Variants in FBXO4 observed in about 807,000 individuals in gnomAD.
FBXO4 encodes F-box protein 4.
In FBXO4, 36 loss-of-function variants were observed where a neutral mutation model predicts 43.7. The observed-to-expected ratio is 0.82, with a 90% CI of 0.63 to 1.09. The LOEUF is 1.09. FBXO4 is among the 50% of genes least tolerant of loss of function. FBXO4 has a pLI of 0.00. For synonymous variants in FBXO4, 180 were observed against 165.6 expected (o/e 1.09, Z -0.67); for missense variants, 435 against 474.1 (o/e 0.92, Z 0.77).
chr5:41,991,045 G>T, the FBXO4 span, among the ~76,000 whole-genome samples: 12 of 152,136 alleles, frequency 7.9e-5, no homozygotes, highest in African/African-American at 2.9e-4. Flanking sequence ...TAGAATGTCA[G>T]GGTCTGCCTC....
At chr5:41,970,596 T>A in the FBXO4 span, among the ~76,000 whole-genome samples, 1 of 151,854 alleles carries the variant, frequency 6.6e-6, no homozygotes, top group East Asian at 1.9e-4. Flanking sequence ...CCCTAATAGA[T>A]TAGTTTTTAA....
chr5:41,976,562 C>A, the FBXO4 span, among the ~76,000 whole-genome samples: 1 of 152,196 alleles, frequency 6.6e-6, no homozygotes, highest in African/African-American at 2.4e-5. Context: ...AATCTTAAAG[C>A]TCCAAAATAA....
At chr5:42,008,766 A>G in the FBXO4 span, among the ~76,000 whole-genome samples, 7 of 152,162 alleles carry the variant, frequency 4.6e-5, no homozygotes, top group African/African-American at 1.7e-4. Flanking sequence ...GATTTTTAGT[A>G]TTTGACACTT....
chr5:42,012,818 G>T, the FBXO4 span, among the ~76,000 whole-genome samples: 17 of 152,134 alleles, frequency 1.1e-4, no homozygotes, highest in African/African-American at 4.1e-4. Context: ...AGAAAAACAG[G>T]TATGATTATT....
chr5:41,954,439 A>G, the FBXO4 span, among the ~76,000 whole-genome samples: 91 of 152,308 alleles, frequency 6.0e-4, no homozygotes, highest in African/African-American at 2.1e-3. Context: ...TGAATTTTCA[A>G]TTAAGTTGCT....
chr5:41,961,098 G>A, the FBXO4 span, among the ~76,000 whole-genome samples: 38 of 152,132 alleles, frequency 2.5e-4, no homozygotes, highest in South Asian at 1.2e-3. Flanking sequence ...GTCAGAGGCC[G>A]TTTCTGCGTG....
the FBXO4 span, among the ~76,000 whole-genome samples, chr5:41,999,563 GTA>G: frequency 9.9e-6 from 1 of 100,514 alleles, no homozygotes. Flanking sequence ...ATATATATAT[GTA>G]TATATATATA....
the FBXO4 span, among the ~76,000 whole-genome samples, chr5:41,989,656 T>G: frequency 1.3e-5 from 2 of 152,288 alleles, no homozygotes; most frequent in East Asian, 1.9e-4. Flanking sequence ...TACTGTTATT[T>G]CTTTATTATA....
chr5:42,004,071 T>C, the FBXO4 span, among the ~76,000 whole-genome samples: 1 of 152,170 alleles, frequency 6.6e-6, no homozygotes, highest in Admixed American at 6.5e-5. Context: ...TCATGTCCTT[T>C]GTAGGGACAT....
At chr5:42,032,057 CTGTGTGTGTG>C in the FBXO4 span, among the ~76,000 whole-genome samples, 490 of 139,322 alleles carry the variant, frequency 3.5e-3, 4 homozygotes, top group African/African-American at 0.012. Flanking sequence ...GTCTTTTTTT[CTGTGTGTGTG>C]TGTGTGTGTG....
At chr5:42,003,586 T>C in the FBXO4 span, among the ~76,000 whole-genome samples, 30 of 152,276 alleles carry the variant, frequency 2.0e-4, no homozygotes, top group Non-Finnish European at 3.4e-4. Context: ...ATGTTACATA[T>C]GTATACATGT....
chr5:41,939,750 C>A, intron 6 of FBXO4, 134 bp downstream of exon 6: 1 of 627,356 alleles, frequency 1.6e-6, no homozygotes, highest in Non-Finnish European at 2.5e-6. Context: ...TCTATGGAAG[C>A]TATTTGATTG....
At chr5:41,927,350 G>T in intron 2 of FBXO4, 102 bp downstream of exon 2, 1 of 844,562 alleles carries the variant, frequency 1.2e-6, no homozygotes, top group Non-Finnish European at 1.8e-6. Flanking sequence ...TTTGTTGCGT[G>T]GATTTGGGGT....
the FBXO4 span, among the ~76,000 whole-genome samples, chr5:42,040,262 T>G: frequency 6.6e-6 from 1 of 152,108 alleles, no homozygotes; most frequent in Admixed American, 6.6e-5. Flanking sequence ...GTGTGTGTGT[T>G]TTTATTTTCT....
the FBXO4 span, among the ~76,000 whole-genome samples, chr5:41,993,974 TC>T: frequency 6.6e-6 from 1 of 152,100 alleles, no homozygotes; most frequent in Non-Finnish European, 1.5e-5. Context: ...TTTGGCAACA[TC>T]CTCACAGACA....
chr5:41,953,770 T>C, the FBXO4 span, among the ~76,000 whole-genome samples: 4 of 151,894 alleles, frequency 2.6e-5, no homozygotes, highest in Admixed American at 1.3e-4. Context: ...TTTTTTCATG[T>C]GTCTTTTGGC....
chr5:41,983,871 A>G, the FBXO4 span, among the ~76,000 whole-genome samples: 1 of 151,930 alleles, frequency 6.6e-6, no homozygotes, highest in Middle Eastern at 3.2e-3. Flanking sequence ...TATATTTTTT[A>G]GTTTTTAATT....
the FBXO4 span, among the ~76,000 whole-genome samples, chr5:41,989,606 C>G: frequency 6.0e-4 from 91 of 152,020 alleles, no homozygotes; most frequent in Non-Finnish European, 8.8e-4. Flanking sequence ...GAGTGTGCAC[C>G]CAATTAAAAG....
chr5:42,038,617 C>T, the FBXO4 span, among the ~76,000 whole-genome samples: 1 of 152,166 alleles, frequency 6.6e-6, no homozygotes, highest in Admixed American at 6.6e-5. Flanking sequence ...GTATTAAAAA[C>T]ATTCCAATTC....
Sources: allele counts gnomAD v4.1 joint callset (sites outside exome capture counted in the v4.1 genomes callset), GRCh38; gene constraint gnomAD v4.1.1; transcripts MANE v1.5; gene names NCBI Gene and HGNC (gene_info 2026-07-23, HGNC 2026-07-21).